Variants in FOXRED2 observed in about 807,000 individuals in gnomAD.
The protein encoded by FOXRED2 is FAD dependent oxidoreductase domain containing 2.
In FOXRED2, 32 loss-of-function variants were observed where a neutral mutation model predicts 52.5. The observed-to-expected ratio is 0.61, with a 90% CI of 0.46 to 0.82. The LOEUF (loss-of-function observed/expected upper bound fraction) is 0.82, where lower values mean the gene tolerates loss of function less well. Among genes scored for constraint, FOXRED2 ranks in the 40% least tolerant of loss-of-function variants. The pLI, the probability that FOXRED2 is intolerant of heterozygous loss-of-function variation, is 0.00. For missense variants in FOXRED2, 848 were observed against 937.5 expected (o/e 0.90, Z 1.25); for synonymous variants, 405 against 398.1 (o/e 1.02, Z -0.21).
In FOXRED2 at chr22:36,490,066, G is replaced by C. The variant is rs1444311712; in HGVS notation, c.1997C>G (p.Ser666Cys). 1 of 1,612,742 alleles carries C rather than the reference G, an allele frequency of 6.2e-7. No homozygotes were observed. The highest frequency in any genetic ancestry group is 8.5e-7 in the Non-Finnish European group (1 of 1,179,104). ...QQLGDQEPLG[S>C]PLAPGPLAQS... ...AGCCAGAGGCCCTGGAGCCAGGGGG[G>C]AACCTAGTGGCTCTTGGTCGCCAAG... The change falls in exon 9 of 9, where the codon TCC becomes TGC. Residue 666 changes from serine to cysteine, a missense_variant. Coordinates refer to ENST00000397224, the MANE Select transcript of FOXRED2 (RefSeq NM_001102371.2).
Position 36,501,396 on chromosome 22 carries a change from A to C in FOXRED2, c.1061T>G (p.Leu354Arg), listed in dbSNP as rs1423643865. 1.2e-5 allele frequency: 19 copies of C among 1,614,034 alleles called. 1 individual carries two copies. Among genetic ancestry groups the C allele is most frequent in the Non-Finnish European group, 1.6e-5 (19 of 1,180,016 alleles). The change falls in exon 5 of 9, where the codon CTT becomes CGT. Residue 354 changes from leucine to arginine, a missense_variant. Transcript: ENST00000397224. ...CTTGCCGAATGCATTTCCCGAGTTAAGTCTGAGGGACCTGTCAGTGGAAAG... is the reference window on the plus strand; with the variant it reads ...CTTGCCGAATGCATTTCCCGAGTTACGTCTGAGGGACCTGTCAGTGGAAAG... ...DFSIFNKSLR[L>R]NSGNAFGKKY...
chr22:36,496,297 G>C, intron 6 of FOXRED2, 89 bp from the exon 7 acceptor site: 1 of 1,500,162 alleles, frequency 6.7e-7, no homozygotes, highest in Non-Finnish European at 9.1e-7. Flanking sequence ...GTGTGCGTGT[G>C]TATCTCCCCC....
chr22:36,488,073 CAA>C lies in FOXRED2; in HGVS notation c.*1933_*1934del, dbSNP rs1181128900. ...TGCCATTGCACTCCAGCCTGGGTGACAAGAGCGAAATCCATTGCAAAAAAAAA... is the reference window on the plus strand; with the variant it reads ...TGCCATTGCACTCCAGCCTGGGTGACGAGCGAAATCCATTGCAAAAAAAAA... On this transcript the variant is annotated 3_prime_UTR_variant, in exon 9 of 9. Transcript: ENST00000397224. 1 of 128,414 alleles carries C rather than the reference CAA, an allele frequency of 7.8e-6. No homozygotes were observed. Among genetic ancestry groups the C allele is most frequent in the Non-Finnish European group, 1.6e-5 (1 of 62,704 alleles). The allele number at this position is 128,414 out of a possible 1,614,324, so 8.0% of individuals were successfully genotyped here.
At chr22:36,505,791 T>C in intron 2 of FOXRED2, 105 bp downstream of exon 2, 1 of 1,130,306 alleles carries the variant, frequency 8.8e-7, no homozygotes, top group South Asian at 1.5e-5. Flanking sequence ...AAAAGCGAAA[T>C]ACCCTTTTTC....
chr22:36,505,784 AG>A, intron 2 of FOXRED2, 111 bp downstream of exon 2: 3 of 1,184,914 alleles, frequency 2.5e-6, no homozygotes, highest in Non-Finnish European at 3.6e-6. Flanking sequence ...AAAAAAAAAA[AG>A]CGAAATACCC....
Position 36,506,046 on chromosome 22 carries a change from A to T in FOXRED2, c.377T>A (p.Val126Glu). The T allele has an allele frequency of 6.2e-7, 1 of 1,614,232 alleles. No individual in the cohort carries two copies. Among genetic ancestry groups the T allele is most frequent in the South Asian group, 1.1e-5 (1 of 91,086 alleles). Residue 126 changes from valine to glutamate, a missense_variant, in exon 2 of 9, where the codon GTG (valine) becomes GAG (glutamate). Physicochemically the swap from Val to Glu is moderately radical, Grantham distance 121 (BLOSUM62 -2). Transcript: ENST00000397224. ...GTCCGCGAAGTCACCCAGGTAGCGC[A>T]CCATGTCGCGGGCGTCGGGGAAGTA... ...RAYFPDARDMVRYLGDFADTL... is the reference protein window; with the variant it reads ...RAYFPDARDMERYLGDFADTL...
intron 5 of FOXRED2, 151 bp downstream of exon 5, chr22:36,501,090 A>T: frequency 1.2e-6 from 1 of 811,026 alleles, no homozygotes; most frequent in Non-Finnish European, 2.0e-6. Context: ...GACCACAAAA[A>T]CCTGTTGTCA....
intron 3 of FOXRED2, 27 bp downstream of exon 3, chr22:36,504,488 G>C: frequency 6.2e-7 from 1 of 1,613,518 alleles, no homozygotes. Context: ...TCCCAGCACA[G>C]AACACACATG....
At chr22:36,495,797 C>T (rs1933880160) in intron 7 of FOXRED2, among the ~76,000 whole-genome samples, 170 bp downstream of exon 7, 1 of 152,254 alleles carries the variant, frequency 6.6e-6, no homozygotes, top group Non-Finnish European at 1.5e-5. Flanking sequence ...AATCTGGAAG[C>T]ATCGTTCATC....
intron 7 of FOXRED2, among the ~76,000 whole-genome samples, chr22:36,495,404 C>T (rs939356261): frequency 6.6e-6 from 1 of 152,186 alleles, no homozygotes; most frequent in East Asian, 1.9e-4. Flanking sequence ...GGTGCGTTCC[C>T]GAGGTTGTTC....
chr22:36,501,635 A>G (rs1461545059), intron 4 of FOXRED2, among the ~76,000 whole-genome samples: 1 of 151,724 alleles, frequency 6.6e-6, no homozygotes, highest in African/African-American at 2.4e-5. Context: ...TAATTTTTGT[A>G]TTTTTAGTAG....
intron 5 of FOXRED2, among the ~76,000 whole-genome samples, chr22:36,499,963 G>A (rs911314510): frequency 4.6e-5 from 7 of 151,948 alleles, no homozygotes; most frequent in Admixed American, 2.6e-4. Context: ...CACCATGCCC[G>A]GCTAATTTTG....
chr22:36,499,652 A>T (rs1309604915), intron 5 of FOXRED2, among the ~76,000 whole-genome samples: 1 of 150,080 alleles, frequency 6.7e-6, no homozygotes, highest in Non-Finnish European at 1.5e-5. Flanking sequence ...CTAATTTTTT[A>T]AAGCTCAGCT....
chr22:36,501,075 C>T (rs1012394546), intron 5 of FOXRED2, among the ~76,000 whole-genome samples, 166 bp downstream of exon 5: 3 of 152,100 alleles, frequency 2.0e-5, no homozygotes, highest in East Asian at 1.9e-4. Flanking sequence ...CTAAACATGT[C>T]GTCAGACCAC....
At position 36,489,912 on chromosome 22, in the gene FOXRED2, C is replaced by T; in HGVS notation, c.*96G>A. ...ATCTGAGTGGTCTTTGGCAATCACGCATTGGCGGGAGTGTGAGGTTGCGGG... is the reference window on the plus strand; with the variant it reads ...ATCTGAGTGGTCTTTGGCAATCACGTATTGGCGGGAGTGTGAGGTTGCGGG... On this transcript the variant is annotated 3_prime_UTR_variant, in exon 9 of 9. Transcript: ENST00000397224. The T allele has an allele frequency of 3.1e-6, 4 of 1,273,386 alleles. No individual in the cohort carries two copies. The highest frequency in any genetic ancestry group is 3.2e-6 in the Non-Finnish European group (3 of 936,656). 78.9% of individuals were successfully genotyped at this position (1,273,386 alleles called of 1,614,324 possible).
intron 7 of FOXRED2, among the ~76,000 whole-genome samples, chr22:36,494,405 C>T (rs1232387876): frequency 6.6e-6 from 1 of 152,136 alleles, no homozygotes; most frequent in Non-Finnish European, 1.5e-5. Flanking sequence ...GGATTACAGG[C>T]ATGAGCCACT....
intron 5 of FOXRED2, among the ~76,000 whole-genome samples, chr22:36,500,864 G>A (rs1012038825): frequency 5.3e-5 from 8 of 151,924 alleles, no homozygotes; most frequent in Admixed American, 6.6e-5. Context: ...GATTACAGGC[G>A]TGAGCCATTG....
intron 8 of FOXRED2, among the ~76,000 whole-genome samples, chr22:36,492,620 C>T (rs930372753): frequency 6.6e-6 from 1 of 152,168 alleles, no homozygotes; most frequent in African/African-American, 2.4e-5. Flanking sequence ...TCAAGCGATT[C>T]TCCTGCCTCA....
rs752983092 is a variant in FOXRED2 at position 36,490,033 on chromosome 22, A to G, written c.2030T>C (p.Val677Ala). The G allele has an allele frequency of 6.2e-6, 10 of 1,600,498 alleles. No individual in the cohort carries two copies. The African/African-American group carries it at 9.4e-5, about 15-fold the overall frequency. ...PLAPGPLAQS[V>A]DSNKEEL The stretch of plus-strand genomic sequence containing the variant: ...TCAGAGCTCCTCTTTGTTGCTATCG[A>G]CGGACTGAGCCAGAGGCCCTGGAGC... The change falls in exon 9 of 9, where the codon GTC becomes GCC. Residue 677 changes from valine to alanine, a missense_variant. Physicochemically the swap from Val to Ala is moderately conservative, Grantham distance 64 (BLOSUM62 0). Coordinates refer to ENST00000397224, the MANE Select transcript of FOXRED2 (RefSeq NM_001102371.2).
Sources: allele counts gnomAD v4.1 joint callset (sites outside exome capture counted in the v4.1 genomes callset), GRCh38; gene constraint gnomAD v4.1.1; transcripts MANE v1.5; gene names NCBI Gene and HGNC (gene_info 2026-07-23, HGNC 2026-07-21).